ADGRV1: variants seen among roughly 807,000 people sequenced by gnomAD.
ADGRV1 encodes the protein adhesion G protein-coupled receptor V1, also known as G-protein coupled receptor 98.
Under a neutral mutation model 596.2 loss-of-function variants are expected in ADGRV1, and 359 were observed. That is an observed-to-expected ratio of 0.60 (90% CI 0.55 to 0.66). The LOEUF (loss-of-function observed/expected upper bound fraction) is 0.66, where lower values mean the gene tolerates loss of function less well. Among genes scored for constraint, ADGRV1 ranks in the 30% least tolerant of loss-of-function variants. The pLI, the probability that ADGRV1 is intolerant of heterozygous loss-of-function variation, is 0.00. For synonymous variants in ADGRV1, 2,681 were observed against 2,679.2 expected (o/e 1.00, Z -0.02); for missense variants, 7,274 against 7,575.6 (o/e 0.96, Z 1.48).
chr5:91,048,854 G>A (rs867087202), intron 85 of ADGRV1, among the ~76,000 whole-genome samples: 10 of 152,050 alleles, frequency 6.6e-5, no homozygotes, highest in Middle Eastern at 3.4e-3. Flanking sequence ...AATGAAAGTC[G>A]CAAAAAAGAT....
At chr5:91,137,785 A>G (rs1359121631) in intron 87 of ADGRV1, among the ~76,000 whole-genome samples, 1 of 152,208 alleles carries the variant, frequency 6.6e-6, no homozygotes, top group Non-Finnish European at 1.5e-5. Flanking sequence ...TGGAGGCAAG[A>G]CCAAGCCTGT....
chr5:90,735,721 C>T (rs28888143), intron 50 of ADGRV1, among the ~76,000 whole-genome samples: 3,876 of 151,914 alleles, frequency 0.026, 157 homozygotes, highest in African/African-American at 0.088. Context: ...GTATACCAGT[C>T]GTTCGTCTTT....
chr5:90,590,230 A>C (rs1328336785), intron 1 of ADGRV1, among the ~76,000 whole-genome samples: 3 of 152,184 alleles, frequency 2.0e-5, no homozygotes, highest in African/African-American at 7.2e-5. Flanking sequence ...GGCTTAAATT[A>C]ATTTACGATG....
At chr5:90,688,634 T>C (rs1295322226) in intron 29 of ADGRV1, among the ~76,000 whole-genome samples, 1 of 152,166 alleles carries the variant, frequency 6.6e-6, no homozygotes, top group Non-Finnish European at 1.5e-5. Context: ...GTAGAGTTTT[T>C]ATATATTTAT....
chr5:91,143,110 T>G (rs1795234537), intron 87 of ADGRV1, among the ~76,000 whole-genome samples: 2 of 152,174 alleles, frequency 1.3e-5, no homozygotes, highest in South Asian at 4.1e-4. Flanking sequence ...AGGCTGTGGC[T>G]GGACTAGGCA....
At chr5:90,599,439 A>T (rs965830037) in intron 1 of ADGRV1, among the ~76,000 whole-genome samples, 5 of 152,210 alleles carry the variant, frequency 3.3e-5, no homozygotes, top group African/African-American at 1.2e-4. Flanking sequence ...TAAATACATC[A>T]GTCTGAAATG....
chr5:90,569,415 T>TTTTTTTC (rs1295993815), intron 1 of ADGRV1, among the ~76,000 whole-genome samples: 1 of 105,646 alleles, frequency 9.5e-6, no homozygotes, highest in African/African-American at 4.6e-5. Flanking sequence ...TTTTTTTTTT[T>TTTTTTTC]CTCATTCTTA....
chr5:90,603,877 TGTGTGTGTAC>T (rs1761736091), intron 1 of ADGRV1, among the ~76,000 whole-genome samples: 1 of 126,626 alleles, frequency 7.9e-6, no homozygotes, highest in South Asian at 3.1e-4. Context: ...TGAGCGTGCA[TGTGTGTGTAC>T]GTGCCTGCAC....
Position 90,629,348 on chromosome 5 carries a change from G to GA in ADGRV1, c.1649dup (p.Asp550GlufsTer33). 1 of 1,613,670 alleles carries GA rather than the reference G, an allele frequency of 6.2e-7. No homozygotes were observed. Among genetic ancestry groups the GA allele is most frequent in the Non-Finnish European group, 8.5e-7 (1 of 1,179,786 alleles). On this transcript the variant is annotated frameshift_variant, in exon 9 of 90. Transcript: ENST00000405460. LOFTEE classifies it high-confidence loss of function. ...TACAAGACTAGGAGGGACTAAAGGA[G>GA]ATGTGAGGTTGCTTTATTCTGTACT...
rs758368302 is a variant in ADGRV1 at position 90,637,834 on chromosome 5, C to T, written c.2126C>T (p.Pro709Leu). The T allele has an allele frequency of 6.8e-6, 11 of 1,613,534 alleles. No individual in the cohort carries two copies. The highest frequency in any genetic ancestry group is 6.6e-5 in the South Asian group (6 of 91,080). Residue 709 changes from proline (P) to leucine (L), a missense_variant, in exon 11 of 90, where the codon CCC becomes CTC. Transcript: ENST00000405460. ...SKAVTPDDIGPFNGSVLFLSG... is the reference protein window; with the variant it reads ...SKAVTPDDIGLFNGSVLFLSG... ...GCAGTGACCCCGGATGATATAGGCC[C>T]CTTTAATGGCTCTGTTTTGTTTTTA...
At chr5:90,989,513 T>TCATCAC (rs1028917110) in intron 85 of ADGRV1, among the ~76,000 whole-genome samples, 65 of 152,216 alleles carry the variant, frequency 4.3e-4, no homozygotes, top group African/African-American at 1.5e-3. Context: ...ATCTCTTATT[T>TCATCAC]CATCTCTTCA....
chr5:90,763,307 A>G lies in ADGRV1; in HGVS notation c.12123A>G (p.Val4041=). The G allele has an allele frequency of 6.5e-7, 1 of 1,539,224 alleles. No individual in the cohort carries two copies. Among genetic ancestry groups the G allele is most frequent in the Non-Finnish European group, 8.8e-7 (1 of 1,134,630 alleles). The stretch of plus-strand genomic sequence containing the variant: ...CTTACTGAATTTTCTTCTTTCAGGT[A>G]ATGATTGATGAATCCCTTTCATCCG... ...FGVFGFEEKT[V]MIDESLSSDD... The change falls in exon 59 of 90, where the codon GTA becomes GTG. Residue 4041 remains valine, a splice_region_variant and synonymous_variant. Coordinates refer to ENST00000405460, the MANE Select transcript of ADGRV1 (RefSeq NM_032119.4).
At chr5:91,064,934 A>G (rs1787760436) in intron 85 of ADGRV1, among the ~76,000 whole-genome samples, 1 of 152,224 alleles carries the variant, frequency 6.6e-6, no homozygotes, top group Non-Finnish European at 1.5e-5. Flanking sequence ...TGTATGTTAA[A>G]TAAGAGCGTT....
chr5:90,758,857 T>G (rs951348439), intron 57 of ADGRV1, among the ~76,000 whole-genome samples: 1 of 152,202 alleles, frequency 6.6e-6, no homozygotes, highest in Non-Finnish European at 1.5e-5. Context: ...CATCCAGGAA[T>G]AGCAAATTTG....
At chr5:91,076,133 A>C (rs918817694) in intron 86 of ADGRV1, among the ~76,000 whole-genome samples, 2 of 152,144 alleles carry the variant, frequency 1.3e-5, no homozygotes, top group Non-Finnish European at 2.9e-5. Context: ...GAATCTAAAC[A>C]ACAGTGATGT....
At chr5:91,162,642 C>T (rs1380618434) in intron 89 of ADGRV1, among the ~76,000 whole-genome samples, 1 of 152,166 alleles carries the variant, frequency 6.6e-6, no homozygotes, top group African/African-American at 2.4e-5. Context: ...TACCATGTCA[C>T]AGAAGCAAAG....
chr5:90,625,064 A>G, intron 5 of ADGRV1, 66 bp from the exon 6 acceptor site: 1 of 932,154 alleles, frequency 1.1e-6, no homozygotes, highest in East Asian at 2.6e-5. Flanking sequence ...CTGACATCAC[A>G]ATGATGCTTT....
chr5:91,162,685 CAG>C (rs963127081), intron 89 of ADGRV1, among the ~76,000 whole-genome samples: 2 of 152,130 alleles, frequency 1.3e-5, no homozygotes, highest in Non-Finnish European at 1.5e-5. Context: ...CGGCCTTTAA[CAG>C]AGAGAGTGCG....
At chr5:90,947,503 C>T (rs1294023308) in intron 83 of ADGRV1, among the ~76,000 whole-genome samples, 3 of 151,852 alleles carry the variant, frequency 2.0e-5, no homozygotes, top group African/African-American at 7.3e-5. Flanking sequence ...ATCATGAAAT[C>T]CTTGATGAGT....
Sources: gnomAD v4.1 joint callset for allele counts (sites outside exome capture counted in the v4.1 genomes callset) on GRCh38, gnomAD v4.1.1 for gene constraint, MANE v1.5 for transcripts, NCBI Gene and HGNC (gene_info 2026-07-23, HGNC 2026-07-21) for gene names.